Variants in CACNA2D1 observed in about 807,000 individuals in gnomAD.
The protein encoded by CACNA2D1 is calcium voltage-gated channel auxiliary subunit alpha2delta 1.
Under a neutral mutation model 171.5 loss-of-function variants are expected in CACNA2D1, and 53 were observed. The ratio of observed to expected loss-of-function variants is 0.31; its 90% CI spans 0.25 to 0.39. CACNA2D1 has a LOEUF of 0.39. CACNA2D1 is among the 10% of genes least tolerant of loss of function. The probability of loss-of-function intolerance (pLI) is 1.00; values close to 1 mark genes in which losing one functional copy is unlikely to be tolerated. For missense variants in CACNA2D1, 903 were observed against 1,299.8 expected (o/e 0.69, Z 4.69); for synonymous variants, 442 against 443.1 (o/e 1.00, Z 0.03).
At position 82,129,080 on chromosome 7, in the gene CACNA2D1, C is replaced by T. The variant is rs906928332; in HGVS notation, c.396+7555G>A. Among the ~76,000 whole-genome samples the T allele has an allele frequency of 2.6e-5, 4 of 152,072 alleles. No homozygotes were observed. In the South Asian group the frequency reaches 8.3e-4, roughly 32 times the overall value. On this transcript the variant is annotated intron_variant, in intron 5 of 38. Coordinates refer to ENST00000356860, the MANE Select transcript of CACNA2D1 (RefSeq NM_000722.4). The stretch of plus-strand genomic sequence containing the variant: ...CTATATATGTAACTTCACACTTGCT[C>T]AGGAAATTTCAGCCACTTGTTTTCA...
At chr7:81,974,800 T>C (rs1795661532) in intron 24 of CACNA2D1, among the ~76,000 whole-genome samples, 1 of 140,680 alleles carries the variant, frequency 7.1e-6, no homozygotes, top group Non-Finnish European at 1.6e-5. Context: ...TTGGTGTAGT[T>C]ATACTATTAT....
In CACNA2D1 at chr7:82,018,251, T is replaced by C. The variant is rs188244667; in HGVS notation, c.1144-3772A>G. On this transcript the variant is annotated intron_variant, in intron 12 of 38. Coordinates refer to ENST00000356860, the MANE Select transcript of CACNA2D1 (RefSeq NM_000722.4). ...GATTGGGCTTTAAAAGTTCCAAGAT[T>C]ATACAATTTAGCTTCTATTGTAGTG... Among the ~76,000 whole-genome samples, 5 of 152,310 alleles carry C rather than the reference T, an allele frequency of 3.3e-5. No homozygotes were observed. In the East Asian group the frequency reaches 9.6e-4, roughly 29 times the overall value.
chr7:82,276,555 T>G (rs1160469578), intron 3 of CACNA2D1, among the ~76,000 whole-genome samples: 4 of 152,160 alleles, frequency 2.6e-5, no homozygotes, highest in African/African-American at 7.2e-5. Flanking sequence ...CTCCCCAGTC[T>G]GGCTCTTAAT....
chr7:82,024,424 C>G (rs1801632954), intron 12 of CACNA2D1, among the ~76,000 whole-genome samples: 1 of 151,622 alleles, frequency 6.6e-6, no homozygotes, highest in African/African-American at 2.4e-5. Flanking sequence ...TTTCATGTAG[C>G]TATTGGCTAC....
At chr7:82,429,981 CA>C (rs1178127257) in intron 1 of CACNA2D1, among the ~76,000 whole-genome samples, 1 of 152,116 alleles carries the variant, frequency 6.6e-6, no homozygotes, top group Non-Finnish European at 1.5e-5. Flanking sequence ...TTAAGTCCCC[CA>C]ACATTTTTGC....
intron 1 of CACNA2D1, among the ~76,000 whole-genome samples, chr7:82,354,702 C>T (rs922763073): frequency 1.4e-4 from 21 of 152,106 alleles, no homozygotes; most frequent in Middle Eastern, 3.4e-3. Flanking sequence ...GGCACTATAC[C>T]GGAGGTCATC....
At chr7:82,024,152 T>G (rs1801600093) in intron 12 of CACNA2D1, among the ~76,000 whole-genome samples, 1 of 151,714 alleles carries the variant, frequency 6.6e-6, no homozygotes. Flanking sequence ...TTCAGTTTTT[T>G]TTTTGGATAA....
intron 2 of CACNA2D1, among the ~76,000 whole-genome samples, chr7:82,348,510 T>C (rs946071732): frequency 9.2e-5 from 14 of 152,304 alleles, no homozygotes; most frequent in African/African-American, 3.4e-4. Context: ...AATCTGATCA[T>C]TGTTATTCGC....
rs190009879 is a variant in CACNA2D1, at chr7:81,986,418, T to C, written c.1797-1707A>G. ...TAGATTTAGGGATTTGTAGATCTTC[T>C]GAATCACTTAAGCCTCACGTAGCCC... On this transcript the variant is annotated intron_variant, in intron 21 of 38. Transcript: ENST00000356860. Among the ~76,000 whole-genome samples, 34 of 152,244 alleles carry C rather than the reference T, an allele frequency of 2.2e-4. No homozygotes were observed. The East Asian group carries it at 3.9e-3, about 17-fold the overall frequency.
chr7:82,040,023 C>T (rs1466129814), intron 10 of CACNA2D1, among the ~76,000 whole-genome samples: 1 of 152,132 alleles, frequency 6.6e-6, no homozygotes, highest in South Asian at 2.1e-4. Context: ...AAGAGTGCAT[C>T]CTAGCTGCTG....
intron 3 of CACNA2D1, among the ~76,000 whole-genome samples, chr7:82,330,835 T>C (rs1280587474): frequency 6.6e-6 from 1 of 152,116 alleles, no homozygotes; most frequent in Non-Finnish European, 1.5e-5. Context: ...ATTTATGTAA[T>C]AAGTAGGAAT....
At chr7:81,981,901 A>C (rs1382274326) in intron 24 of CACNA2D1, among the ~76,000 whole-genome samples, 1 of 152,222 alleles carries the variant, frequency 6.6e-6, no homozygotes, top group Non-Finnish European at 1.5e-5. Flanking sequence ...AAGTTGAATT[A>C]GACCATTAAA....
intron 3 of CACNA2D1, among the ~76,000 whole-genome samples, chr7:82,322,687 A>G (rs1004865199): frequency 6.6e-6 from 1 of 152,210 alleles, no homozygotes; most frequent in African/African-American, 2.4e-5. Context: ...GTGACAGAGC[A>G]TTTCATCATT....
At chr7:82,385,939 AC>A (rs1370899451) in intron 1 of CACNA2D1, among the ~76,000 whole-genome samples, 9 of 152,228 alleles carry the variant, frequency 5.9e-5, no homozygotes, top group African/African-American at 2.2e-4. Flanking sequence ...TGATAGGATT[AC>A]AGGCGTGAAC....
At chr7:81,985,851 C>T (rs1796908575) in intron 21 of CACNA2D1, among the ~76,000 whole-genome samples, 1 of 152,056 alleles carries the variant, frequency 6.6e-6, no homozygotes, top group Admixed American at 6.6e-5. Flanking sequence ...AAATCTTAGG[C>T]CAAATTCAGA....
intron 7 of CACNA2D1, among the ~76,000 whole-genome samples, chr7:82,079,311 G>A (rs1476496676): frequency 6.6e-6 from 1 of 152,054 alleles, no homozygotes; most frequent in Admixed American, 6.5e-5. Context: ...ACTTTCCAAA[G>A]GTCATCATCA....
intron 38 of CACNA2D1, among the ~76,000 whole-genome samples, chr7:81,953,603 G>A (rs535299452): frequency 2.6e-4 from 39 of 151,666 alleles, no homozygotes; most frequent in Non-Finnish European, 4.4e-4. Context: ...ATACACAGAA[G>A]AGTGGCTAGA....
rs1794982128 is a variant in CACNA2D1, at chr7:81,968,914, T to C, written c.2368A>G (p.Ile790Val). 1.3e-6 allele frequency: 2 copies of C among 1,582,920 alleles called. No homozygotes were observed. Among genetic ancestry groups the C allele is most frequent in the South Asian group, 2.2e-5 (2 of 90,042 alleles). ...IMVSKAVEIY[I>V]QGKLLKPAVV... ...GCAGGTTTAAGAAGTTTCCCTTGAA[T>C]ATATATTTCTACAGCTTTGCTTACC... Residue 790 changes from isoleucine to valine, a missense_variant, in exon 29 of 39, where the codon ATT (isoleucine) becomes GTT (valine). Ile to Val is a conservative substitution (Grantham distance 29). Transcript: ENST00000356860.
chr7:82,235,587 T>A (rs1327357645), intron 3 of CACNA2D1, among the ~76,000 whole-genome samples: 5 of 152,164 alleles, frequency 3.3e-5, no homozygotes, highest in African/African-American at 1.2e-4. Context: ...AATGCTGGAA[T>A]AACAGAAGTA....
Sources: gnomAD v4.1 joint callset for allele counts (sites outside exome capture counted in the v4.1 genomes callset) on GRCh38, gnomAD v4.1.1 for gene constraint, MANE v1.5 for transcripts, NCBI Gene and HGNC (gene_info 2026-07-23, HGNC 2026-07-21) for gene names.